ZNF280D: variants seen among roughly 807,000 people sequenced by gnomAD.
The protein encoded by ZNF280D is zinc finger protein 280D, also known as suppressor of hairy wing homolog 4.
ZNF280D carries 39 observed loss-of-function variants against 94.7 expected under a neutral mutation model. That is an observed-to-expected ratio of 0.41 (90% confidence interval 0.32 to 0.54). The LOEUF (loss-of-function observed/expected upper bound fraction) is 0.54. Among genes scored for constraint, ZNF280D ranks in the 20% least tolerant of loss-of-function variants. The pLI is 0.22. For missense variants in ZNF280D, 1,090 were observed against 1,149.3 expected (o/e 0.95, Z 0.75); for synonymous variants, 398 against 377.6 (o/e 1.05, Z -0.63).
intron 1 of ZNF280D, among the ~76,000 whole-genome samples, chr15:56,719,614 T>C (rs148632074): frequency 1.3e-5 from 2 of 152,150 alleles, no homozygotes; most frequent in African/African-American, 4.8e-5. Flanking sequence ...ACATCTCATC[T>C]AAGTCCCAGT....
At chr15:56,633,463 A>T (rs2052188585) in intron 21 of ZNF280D, among the ~76,000 whole-genome samples, 1 of 152,112 alleles carries the variant, frequency 6.6e-6, no homozygotes, top group Non-Finnish European at 1.5e-5. Context: ...TGTTTAAAAT[A>T]GTAAATATAA....
intron 10 of ZNF280D, among the ~76,000 whole-genome samples, chr15:56,681,040 T>C (rs2055582502): frequency 6.6e-6 from 1 of 152,190 alleles, no homozygotes; most frequent in African/African-American, 2.4e-5. Flanking sequence ...CCATTAGCTA[T>C]TGATGGCCCT....
intron 11 of ZNF280D, 56 bp downstream of exon 11, chr15:56,678,608 C>T: frequency 7.3e-7 from 1 of 1,368,170 alleles, no homozygotes; most frequent in Non-Finnish European, 9.6e-7. Context: ...GGTTTTCTCA[C>T]AATTTATATT....
chr15:56,648,136 G>C lies in ZNF280D; in HGVS notation c.2214-5139C>G, dbSNP rs531313214. ...AGCCAATTCCTCTCCTGTGAACCAG[G>C]CTCCCTTATGATCATGCCAGGGAAA... On this transcript the variant is annotated intron_variant, in intron 19 of 21. Coordinates refer to ENST00000267807, the MANE Select transcript of ZNF280D (RefSeq NM_017661.4). Among the ~76,000 whole-genome samples, 8 of 152,160 alleles carry C rather than the reference G, an allele frequency of 5.3e-5. No individual in the cohort carries two copies. In the South Asian group the frequency reaches 1.5e-3, roughly 28 times the overall value.
intron 7 of ZNF280D, among the ~76,000 whole-genome samples, chr15:56,691,117 C>T (rs2056399923): frequency 2.0e-5 from 3 of 152,102 alleles, no homozygotes; most frequent in Admixed American, 2.0e-4. Flanking sequence ...TAATAAATTA[C>T]AGATATTATC....
intron 13 of ZNF280D, among the ~76,000 whole-genome samples, chr15:56,670,115 A>G (rs1304456635): frequency 7.9e-6 from 1 of 126,350 alleles, no homozygotes; most frequent in Non-Finnish European, 1.6e-5. Flanking sequence ...TATACAACAT[A>G]TAATTATAAA....
chr15:56,664,968 C>T (rs1193115823), intron 16 of ZNF280D, among the ~76,000 whole-genome samples: 1 of 151,842 alleles, frequency 6.6e-6, no homozygotes, highest in Non-Finnish European at 1.5e-5. Flanking sequence ...AAGCTCTGAA[C>T]ATCATGGGGT....
chr15:56,676,178 T>C (rs188495408), intron 13 of ZNF280D, among the ~76,000 whole-genome samples: 20 of 152,200 alleles, frequency 1.3e-4, no homozygotes, highest in Non-Finnish European at 2.4e-4. Context: ...CACACAACTA[T>C]AAAAGACAAC....
At chr15:56,655,274 C>G (rs1566940518) in intron 17 of ZNF280D, among the ~76,000 whole-genome samples, 1 of 152,202 alleles carries the variant, frequency 6.6e-6, no homozygotes, top group African/African-American at 2.4e-5. Flanking sequence ...GTGGCGTGAT[C>G]TCAGCTCACT....
chr15:56,703,992 C>T, intron 4 of ZNF280D, 129 bp downstream of exon 4: 1 of 962,272 alleles, frequency 1.0e-6, no homozygotes, highest in Non-Finnish European at 1.5e-6. Flanking sequence ...TACCTCCTTC[C>T]TCAAGTCCCC....
chr15:56,692,054 G>A (rs1220962643), intron 7 of ZNF280D, among the ~76,000 whole-genome samples: 1 of 152,028 alleles, frequency 6.6e-6, no homozygotes, highest in African/African-American at 2.4e-5. Context: ...GAAAGAATAG[G>A]AGTCATTATT....
intron 4 of ZNF280D, among the ~76,000 whole-genome samples, chr15:56,702,547 C>T (rs559092751): frequency 6.6e-6 from 1 of 152,280 alleles, no homozygotes; most frequent in African/African-American, 2.4e-5. Flanking sequence ...GAAGAGTCAT[C>T]TACAATCAGT....
chr15:56,634,317 A>G (rs1285785749), intron 21 of ZNF280D: 1 of 152,066 alleles, frequency 6.6e-6, no homozygotes, highest in Non-Finnish European at 1.5e-5. Flanking sequence ...AAATTTGTAT[A>G]ATTCTTAGTT....
At chr15:56,702,910 A>AC (rs2057166298) in intron 4 of ZNF280D, among the ~76,000 whole-genome samples, 8 of 135,684 alleles carry the variant, frequency 5.9e-5, no homozygotes, top group African/African-American at 2.2e-4. Flanking sequence ...ATGGTAAGTA[A>AC]ACACACACAC....
intron 4 of ZNF280D, among the ~76,000 whole-genome samples, chr15:56,703,334 G>C (rs1459341910): frequency 6.6e-6 from 1 of 152,190 alleles, no homozygotes; most frequent in East Asian, 1.9e-4. Flanking sequence ...ATGGTCAGAA[G>C]CTGCAGCTTC....
chr15:56,643,957 A>C (rs1413167433), intron 19 of ZNF280D, among the ~76,000 whole-genome samples: 1 of 151,970 alleles, frequency 6.6e-6, no homozygotes, highest in Non-Finnish European at 1.5e-5. Context: ...TCTCATGGCT[A>C]ATCAATGAAA....
In ZNF280D at chr15:56,724,919, C is replaced by T. The variant is rs1048219649; in HGVS notation, c.-86+8539G>A. The T allele has an allele frequency of 6.6e-6, 3 of 453,964 alleles. No homozygotes were observed. In the Admixed American group the frequency reaches 7.1e-5, roughly 11 times the overall value. 28.1% of individuals were successfully genotyped at this position (453,964 alleles called of 1,614,324 possible). A position where few individuals can be genotyped will look rare whatever the true frequency, so the allele number is the denominator to read the frequency against. ...ATGTAAGAAAGCTATTTCCATGTTG[C>T]ATTTTGGTTATGAAGGCCTTTCTAG... On this transcript the variant is annotated intron_variant, in intron 1 of 21. Coordinates refer to ENST00000267807, the MANE Select transcript of ZNF280D (RefSeq NM_017661.4).
In ZNF280D at chr15:56,677,569, T is replaced by C; in HGVS notation, c.1263+5A>G. ...ACTTAAAAAAACAATAAAATGTATG[T>C]GTACCTGGCAGACATATGGCATTTC... On this transcript the variant is annotated splice_donor_5th_base_variant and intron_variant, in intron 12 of 21. Transcript: ENST00000267807. The C allele has an allele frequency of 1.9e-6, 3 of 1,583,284 alleles. No individual in the cohort carries two copies. The highest frequency in any genetic ancestry group is 2.6e-6 in the Non-Finnish European group (3 of 1,153,558).
chr15:56,709,671 A>G (rs190424396), intron 1 of ZNF280D, among the ~76,000 whole-genome samples: 1 of 152,360 alleles, frequency 6.6e-6, no homozygotes, highest in African/African-American at 2.4e-5. Flanking sequence ...ATGGAATACT[A>G]TGCAGCCATA....
Sources: allele counts gnomAD v4.1 joint callset (sites outside exome capture counted in the v4.1 genomes callset), GRCh38; gene constraint gnomAD v4.1.1; transcripts MANE v1.5; gene names NCBI Gene and HGNC (gene_info 2026-07-23, HGNC 2026-07-21).